Variants in KIN observed in about 807,000 individuals in gnomAD.
The protein encoded by KIN is Kin17 DNA and RNA binding protein.
A neutral mutation model predicts 63.0 loss-of-function variants in KIN; 47 were observed. The observed-to-expected ratio is 0.75, with a 90% CI of 0.59 to 0.95. The LOEUF (loss-of-function observed/expected upper bound fraction) is 0.95. KIN is among the 40% of genes least tolerant of loss of function. The pLI, the probability that KIN is intolerant of heterozygous loss-of-function variation, is 0.00. For missense variants in KIN, 408 were observed against 460.9 expected (o/e 0.89, Z 1.05); for synonymous variants, 160 against 157.7 (o/e 1.01, Z -0.11).
intron 7 of KIN, among the ~76,000 whole-genome samples, chr10:7,770,380 C>G (rs1255724538): frequency 6.6e-6 from 1 of 152,196 alleles, no homozygotes. Flanking sequence ...ATGCTTTCAG[C>G]CTCTGAAAAT....
intron 8 of KIN, among the ~76,000 whole-genome samples, chr10:7,767,952 A>G (rs1445928814): frequency 6.6e-6 from 1 of 151,772 alleles, no homozygotes; most frequent in East Asian, 1.9e-4. Context: ...AGGAAATAAT[A>G]TTAAAGAAAA....
At chr10:7,776,006 ATCATGAGG>A (rs1835762838) in intron 5 of KIN, among the ~76,000 whole-genome samples, 1 of 152,080 alleles carries the variant, frequency 6.6e-6, no homozygotes, top group African/African-American at 2.4e-5. Context: ...AGGCGGGCAG[ATCATGAGG>A]TCAGTAGTTC....
At chr10:7,764,548 T>C (rs1313631651) in intron 9 of KIN, among the ~76,000 whole-genome samples, 23 of 152,244 alleles carry the variant, frequency 1.5e-4, no homozygotes, top group Admixed American at 1.4e-3. Flanking sequence ...AAGTATTTCA[T>C]AAAGCCATGC....
At chr10:7,774,773 A>G in intron 7 of KIN, 58 bp downstream of exon 7, 1 of 1,291,130 alleles carries the variant, frequency 7.7e-7, no homozygotes. Context: ...AAAATACAGT[A>G]ACCAATATTT....
intron 8 of KIN, among the ~76,000 whole-genome samples, chr10:7,767,280 T>A (rs1004526218): frequency 6.6e-6 from 1 of 152,142 alleles, no homozygotes; most frequent in Non-Finnish European, 1.5e-5. Flanking sequence ...TGATCGTTCC[T>A]GTCTAGGTAC....
rs985122818 is a variant in KIN at position 7,774,853 on chromosome 10, C to T, written c.646G>A (p.Gly216Arg). The part of the protein sequence containing the change: ...NLSKGACSSS[G>R]ATSSKSSTLG... ...CACCTTGACTTGGAAGATGTTGCTC[C>T]GGATGAGCTACATGCTCCTTTACTC... Residue 216 changes from glycine to arginine, a missense_variant, in exon 7 of 13, where the codon GGA (glycine) becomes AGA (arginine). This residue lies in a region of KIN where 298 missense variants were observed against 296.0 expected (regional missense o/e 1.01). Coordinates refer to ENST00000379562, the MANE Select transcript of KIN (RefSeq NM_012311.4). 3.7e-6 allele frequency: 6 copies of T among 1,613,150 alleles called. No homozygotes were observed. Among genetic ancestry groups the T allele is most frequent in the South Asian group, 2.2e-5 (2 of 91,060 alleles).
chr10:7,762,460 G>A lies in KIN; in HGVS notation c.1015C>T (p.Pro339Ser), dbSNP rs779713924. The change falls in exon 11 of 13, where the codon CCA becomes TCA. Residue 339 changes from proline (P) to serine (S), a missense_variant. By Grantham distance (74) the Pro-to-Ser change is moderately conservative. This residue lies in a region of KIN where 298 missense variants were observed against 296.0 expected (regional missense o/e 1.01). Transcript: ENST00000379562. ...QTHLETVIPAPGKRILVLNGG... is the reference protein window; with the variant it reads ...QTHLETVIPASGKRILVLNGG... ...AATGGTCTGCAAACAGATTTACCTG[G>A]TGCTGGAATTACTGTCTCTAAATGA... 6.3e-7 allele frequency: 1 copy of A among 1,591,204 alleles called. No homozygotes were observed. Among genetic ancestry groups the A allele is most frequent in the Non-Finnish European group, 8.6e-7 (1 of 1,161,876 alleles).
chr10:7,777,053 CAAAAAAAA>C (rs60757813), intron 5 of KIN, among the ~76,000 whole-genome samples: 12 of 80,732 alleles, frequency 1.5e-4, no homozygotes, highest in African/African-American at 4.4e-4. Context: ...GACAGTCTCT[CAAAAAAAA>C]AAAAAAAAAA....
chr10:7,773,665 T>C (rs191054550), intron 7 of KIN, among the ~76,000 whole-genome samples: 4 of 152,318 alleles, frequency 2.6e-5, no homozygotes, highest in East Asian at 1.9e-4. Context: ...TCTCCTTCCA[T>C]ACTCCTAGCC....
intron 1 of KIN, among the ~76,000 whole-genome samples, chr10:7,784,139 C>CA (rs1190723038): frequency 6.6e-6 from 1 of 152,138 alleles, no homozygotes; most frequent in African/African-American, 2.4e-5. Context: ...AATGAACAAA[C>CA]AATACAGTTA....
At chr10:7,765,466 G>A (rs1165602975) in intron 9 of KIN, among the ~76,000 whole-genome samples, 2 of 151,948 alleles carry the variant, frequency 1.3e-5, no homozygotes, top group East Asian at 3.9e-4. Context: ...CACTCTGAAA[G>A]TTTTATGAAA....
rs565035656 is a variant in KIN at position 7,774,183 on chromosome 10, T to C, written c.668+648A>G. Among the ~76,000 whole-genome samples the C allele has an allele frequency of 1.1e-4, 17 of 152,320 alleles. No individual in the cohort carries two copies. The East Asian group carries it at 3.3e-3, about 29-fold the overall frequency. ...TATGTGGCTCTTTACAGAAAAAGTT[T>C]GCTGACCCCTGCCCTGTGCTAGACT... is the stretch of plus-strand genomic sequence containing the variant. On this transcript the variant is annotated intron_variant, in intron 7 of 12. Coordinates refer to ENST00000379562, the MANE Select transcript of KIN (RefSeq NM_012311.4).
chr10:7,768,841 A>C (rs954959506), intron 8 of KIN, among the ~76,000 whole-genome samples: 132 of 151,844 alleles, frequency 8.7e-4, no homozygotes, highest in African/African-American at 3.0e-3. Context: ...ACATGGTGAA[A>C]CCCCATCTCT....
In KIN at chr10:7,769,386, C is replaced by A. The variant is rs778860036; in HGVS notation, c.669-41G>T. The A allele has an allele frequency of 1.7e-5, 27 of 1,588,528 alleles. No individual in the cohort carries two copies. The South Asian group carries it at 2.8e-4, about 16-fold the overall frequency. ...ACCATGCTTGTTACCAAGAACCATA[C>A]ACAGACGAATGCTTTACGATGTGCA... On this transcript the variant is annotated intron_variant, in intron 7 of 12. Transcript: ENST00000379562.
intron 5 of KIN, among the ~76,000 whole-genome samples, chr10:7,776,414 C>A (rs541104162): frequency 6.7e-6 from 1 of 149,218 alleles, no homozygotes; most frequent in African/African-American, 2.5e-5. Flanking sequence ...TGATGGCGGG[C>A]GCCTGTAATG....
rs1162016346 is a variant in KIN, at chr10:7,787,749, C to G, written c.114+71G>C. 3.2e-6 allele frequency: 4 copies of G among 1,242,218 alleles called. No homozygotes were observed. The East Asian group carries it at 7.0e-5, about 22-fold the overall frequency. The allele number at this position is 1,242,218 out of a possible 1,614,324, so 76.9% of individuals were successfully genotyped here. On this transcript the variant is annotated intron_variant, in intron 1 of 12. Coordinates refer to ENST00000379562, the MANE Select transcript of KIN (RefSeq NM_012311.4). ...AGCCCCAGCCCCGCGCCCTCAGCCC[C>G]GCGTCCAGGACCTGATCCTGGATTG...
chr10:7,758,602 T>C (rs1413388636), intron 12 of KIN, among the ~76,000 whole-genome samples: 1 of 149,598 alleles, frequency 6.7e-6, no homozygotes, highest in Admixed American at 6.7e-5. Flanking sequence ...TTCCCTGAGA[T>C]GAAAACATGA....
intron 8 of KIN, 44 bp from the exon 9 acceptor site, chr10:7,766,147 A>C (rs752795184): frequency 8.9e-6 from 12 of 1,350,258 alleles, no homozygotes; most frequent in Non-Finnish European, 1.2e-5. Flanking sequence ...TAAAATCCTC[A>C]TTGGATTTCA....
intron 5 of KIN, 70 bp downstream of exon 5, chr10:7,778,768 A>C (rs949399618): frequency 5.5e-6 from 7 of 1,279,054 alleles, no homozygotes; most frequent in African/African-American, 3.1e-5. Context: ...AAAACAAAAA[A>C]GAAAAACCAA....
Sources: gnomAD v4.1 joint callset for allele counts (sites outside exome capture counted in the v4.1 genomes callset) on GRCh38, gnomAD v4.1.1 for gene constraint, gnomAD v4.1.1 regional missense constraint, MANE v1.5 for transcripts, NCBI Gene and HGNC (gene_info 2026-07-23, HGNC 2026-07-21) for gene names.